HSD17B2: variants seen among roughly 807,000 people sequenced by gnomAD.
HSD17B2 encodes hydroxysteroid 17-beta dehydrogenase 2.
In HSD17B2, 32 loss-of-function variants were observed where a neutral mutation model predicts 26.9. That is an observed-to-expected ratio of 1.19 (90% confidence interval 0.90 to 1.60). The LOEUF (loss-of-function observed/expected upper bound fraction) is 1.60, where lower values mean the gene tolerates loss of function less well. Among genes scored for constraint, HSD17B2 ranks in the 40% most tolerant of loss-of-function variants. The pLI is 0.00. For synonymous variants in HSD17B2, 246 were observed against 186.7 expected, an observed-to-expected ratio of 1.32 and a Z score of -2.59; for missense variants, 613 against 468.6, an observed-to-expected ratio of 1.31 and a Z score of -2.85.
chr16:82,082,858 C>T (rs1051428228), intron 3 of HSD17B2, among the ~76,000 whole-genome samples: 3 of 152,174 alleles, frequency 2.0e-5, no homozygotes, highest in Admixed American at 6.5e-5. Context: ...TTGCTATTCT[C>T]ATTTTTCAGT....
chr16:82,076,465 A>G (rs1476792596), intron 3 of HSD17B2, among the ~76,000 whole-genome samples: 2 of 152,256 alleles, frequency 1.3e-5, no homozygotes, highest in Non-Finnish European at 2.9e-5. Context: ...TTTGCAGATG[A>G]TATGATCTTA....
At chr16:82,080,819 C>G (rs139178871) in intron 3 of HSD17B2, among the ~76,000 whole-genome samples, 1 of 152,204 alleles carries the variant, frequency 6.6e-6, no homozygotes, top group Non-Finnish European at 1.5e-5. Flanking sequence ...TGAAGGAACG[C>G]TTAGCACTTT....
intron 1 of HSD17B2, among the ~76,000 whole-genome samples, chr16:82,056,008 A>C (rs954869666): frequency 6.6e-6 from 1 of 152,242 alleles, no homozygotes; most frequent in African/African-American, 2.4e-5. Context: ...AATGGTGGTA[A>C]TTAGCAATGA....
At chr16:82,093,946 A>G (rs533074064) in intron 4 of HSD17B2, 9 of 152,304 alleles carry the variant, frequency 5.9e-5, no homozygotes, top group South Asian at 2.1e-4. Context: ...CATGGCATTT[A>G]TAAACTGTCC....
intron 1 of HSD17B2, among the ~76,000 whole-genome samples, chr16:82,041,834 T>C (rs1449694717): frequency 6.6e-6 from 1 of 152,118 alleles, no homozygotes; most frequent in East Asian, 1.9e-4. Context: ...GTATCAATTA[T>C]CTCCTCTGAG....
intron 1 of HSD17B2, among the ~76,000 whole-genome samples, chr16:82,050,050 G>A (rs745437201): frequency 4.0e-4 from 61 of 152,172 alleles, no homozygotes; most frequent in Non-Finnish European, 7.3e-4. Context: ...TCTTTAGAGC[G>A]CCTCCGTCCC....
intron 3 of HSD17B2, among the ~76,000 whole-genome samples, chr16:82,075,274 G>C (rs953932692): frequency 6.6e-5 from 10 of 151,960 alleles, no homozygotes; most frequent in East Asian, 5.8e-4. Context: ...AAAAAACCTA[G>C]TGATGCATCT....
intron 1 of HSD17B2, among the ~76,000 whole-genome samples, chr16:82,041,673 T>C (rs1913769504): frequency 6.6e-6 from 1 of 152,250 alleles, no homozygotes; most frequent in Non-Finnish European, 1.5e-5. Flanking sequence ...TCGTTAGCCT[T>C]GCAGGAACTG....
At chr16:82,055,358 C>T (rs1914233974) in intron 1 of HSD17B2, among the ~76,000 whole-genome samples, 1 of 152,156 alleles carries the variant, frequency 6.6e-6, no homozygotes, top group East Asian at 1.9e-4. Flanking sequence ...CCACCTGACG[C>T]CAATACATTT....
chr16:82,080,847 C>T (rs79983295), intron 3 of HSD17B2, among the ~76,000 whole-genome samples: 99 of 152,322 alleles, frequency 6.5e-4, no homozygotes, highest in African/African-American at 2.2e-3. Flanking sequence ...TCCAAAAAGG[C>T]AGAGTCAATC....
At chr16:82,085,585 A>T (rs1904504035) in intron 3 of HSD17B2, among the ~76,000 whole-genome samples, 2 of 152,154 alleles carry the variant, frequency 1.3e-5, no homozygotes. Flanking sequence ...ATAAAAAAAA[A>T]AACCCTAACT....
chr16:82,090,473 C>A (rs1243992081), intron 3 of HSD17B2, among the ~76,000 whole-genome samples: 2 of 151,908 alleles, frequency 1.3e-5, no homozygotes, highest in Non-Finnish European at 2.9e-5. Flanking sequence ...CATGCGCCAC[C>A]ACGCCTGGCT....
chr16:82,096,886 G>A (rs372666835), intron 4 of HSD17B2: 3 of 152,164 alleles, frequency 2.0e-5, no homozygotes, highest in Middle Eastern at 6.8e-3. Flanking sequence ...CTATTCATAC[G>A]ATTCCATTTA....
At chr16:82,061,135 T>C (rs1914427183) in intron 1 of HSD17B2, among the ~76,000 whole-genome samples, 1 of 151,780 alleles carries the variant, frequency 6.6e-6, no homozygotes, top group Non-Finnish European at 1.5e-5. Flanking sequence ...GGCAGGTGCA[T>C]GTAATCCCAG....
intron 2 of HSD17B2, among the ~76,000 whole-genome samples, chr16:82,070,594 G>A (rs191710652): frequency 6.6e-6 from 1 of 152,244 alleles, no homozygotes; most frequent in Admixed American, 6.5e-5. Flanking sequence ...CCTATCAGTG[G>A]TTCCCTATCT....
intron 1 of HSD17B2, among the ~76,000 whole-genome samples, chr16:82,067,899 C>G (rs1914608984): frequency 6.6e-6 from 1 of 152,212 alleles, no homozygotes. Context: ...CACTCCTGGA[C>G]TACCCTTCCC....
At chr16:82,038,453 G>A (rs1411057839) in intron 1 of HSD17B2, among the ~76,000 whole-genome samples, 1 of 152,180 alleles carries the variant, frequency 6.6e-6, no homozygotes, top group Non-Finnish European at 1.5e-5. Context: ...GGGTTCAAGT[G>A]ATTCTCCTGC....
chr16:82,070,525 T>C (rs896785168), intron 2 of HSD17B2, among the ~76,000 whole-genome samples: 27 of 152,372 alleles, frequency 1.8e-4, no homozygotes, highest in African/African-American at 6.5e-4. Context: ...CCTCCACGTG[T>C]TGGGGTCCGC....
chr16:82,059,229 G>T (rs1231947744), intron 1 of HSD17B2, among the ~76,000 whole-genome samples: 1 of 152,166 alleles, frequency 6.6e-6, no homozygotes, highest in African/African-American at 2.4e-5. Flanking sequence ...CTAGACCAGG[G>T]TTTCTCAGCC....
Sources: allele counts gnomAD v4.1 joint callset (sites outside exome capture counted in the v4.1 genomes callset), GRCh38; gene constraint gnomAD v4.1.1; transcripts MANE v1.5; gene names NCBI Gene and HGNC (gene_info 2026-07-23, HGNC 2026-07-21).